SCRN3: variants seen among roughly 807,000 people sequenced by gnomAD.
The protein encoded by SCRN3 is secernin-3.
SCRN3 carries 39 observed loss-of-function variants against 43.1 expected under a neutral mutation model. That is an observed-to-expected ratio of 0.91 (90% CI 0.70 to 1.18). The LOEUF (loss-of-function observed/expected upper bound fraction) is 1.18, where lower values mean the gene tolerates loss of function less well. Ranked by LOEUF, SCRN3 falls within the 50% of genes most tolerant of loss-of-function variation. The probability of loss-of-function intolerance (pLI) is 0.00; values close to 1 mark genes in which losing one functional copy is unlikely to be tolerated. For missense variants in SCRN3, 484 were observed against 498.0 expected, an observed-to-expected ratio of 0.97 and a Z score of 0.27; for synonymous variants, 147 against 163.1, an observed-to-expected ratio of 0.90 and a Z score of 0.75.
At position 174,399,959 on chromosome 2, in the gene SCRN3, A is replaced by G; in HGVS notation, c.197A>G (p.Tyr66Cys). 6.4e-7 allele frequency: 1 copy of G among 1,552,986 alleles called. No individual in the cohort carries two copies. The highest frequency in any genetic ancestry group is 1.5e-5 in the African/African-American group (1 of 68,562). The change falls in exon 3 of 8, where the codon TAT becomes TGT. Residue 66 changes from tyrosine (Y) to cysteine (C), a missense_variant. Tyr to Cys is a radical substitution (Grantham distance 194, BLOSUM62 -2). Transcript: ENST00000272732. Reference protein sequence around the residue: ...YIEIDQVPETYAVVLSRPAWL... With the variant: ...YIEIDQVPETCAVVLSRPAWL... The stretch of plus-strand genomic sequence containing the variant: ...GAAATTGATCAAGTTCCTGAAACAT[A>G]TGCTGTTGTCCTGAGTCGCCCAGCG...
At chr2:174,410,923 G>T (rs35360976) in intron 5 of SCRN3, among the ~76,000 whole-genome samples, 29,642 of 152,210 alleles carry the variant, frequency 0.19, 3,382 homozygotes, top group Middle Eastern at 0.37. Flanking sequence ...CTCTGTGTCA[G>T]TTGGGGGATT....
Position 174,398,310 on chromosome 2 carries a change from C to T in SCRN3, c.27C>T (p.Phe9=), listed in dbSNP as rs760694859. 3 of 1,579,980 alleles carry T rather than the reference C, an allele frequency of 1.9e-6. No homozygotes were observed. The highest frequency in any genetic ancestry group is 1.2e-5 in the South Asian group (1 of 83,424). The change falls in exon 2 of 8, where the codon TTC becomes TTT. Residue 9 remains phenylalanine, a synonymous_variant. Transcript: ENST00000272732. The part of the protein sequence containing the change: MEPFSCDT[F]VALPPATVDN... ...TGGAACCTTTTTCCTGTGACACTTT[C>T]GTGGCATTACCTCCAGCAACAGTCG...
intron 5 of SCRN3, among the ~76,000 whole-genome samples, chr2:174,412,499 AT>A (rs67941361): frequency 0.19 from 29,613 of 152,154 alleles, 3,372 homozygotes; most frequent in Middle Eastern, 0.37. Context: ...ATTCTCTCCC[AT>A]CTAGAGGAAT....
intron 5 of SCRN3, among the ~76,000 whole-genome samples, chr2:174,413,550 G>A (rs374141531): frequency 6.7e-6 from 1 of 149,978 alleles, no homozygotes; most frequent in East Asian, 2.0e-4. Context: ...CTCTTTTATG[G>A]GATTGCCCCC....
Position 174,400,049 on chromosome 2 carries a change from G to A in SCRN3, c.287G>A (p.Trp96Ter). The part of the protein sequence containing the change: ...HGVCIGNEAV[W>*]GREEVCDEEA... ...GTTTGCATTGGGAATGAAGCTGTAT[G>A]GGGAAGAGAAGAAGTTTGTGATGAA... Residue 96 changes from tryptophan to a stop codon, truncating the protein, a stop_gained, in exon 3 of 8, where the codon TGG becomes TAG. Coordinates refer to ENST00000272732, the MANE Select transcript of SCRN3 (RefSeq NM_024583.5). LOFTEE classifies it high-confidence loss of function. 1 of 1,597,886 alleles carries A rather than the reference G, an allele frequency of 6.3e-7. No homozygotes were observed. Among genetic ancestry groups the A allele is most frequent in the Non-Finnish European group, 8.5e-7 (1 of 1,174,206 alleles).
intron 2 of SCRN3, 49 bp from the exon 3 acceptor site, chr2:174,399,873 T>C: frequency 3.1e-6 from 4 of 1,287,760 alleles, no homozygotes; most frequent in South Asian, 4.9e-5. Flanking sequence ...TTGATAACTT[T>C]TCTGGTTTTG....
intron 5 of SCRN3, among the ~76,000 whole-genome samples, chr2:174,418,533 C>T (rs1686191866): frequency 6.6e-6 from 1 of 152,232 alleles, no homozygotes; most frequent in Non-Finnish European, 1.5e-5. Context: ...ACTGCAGTCT[C>T]AGTACTTACT....
chr2:174,409,384 C>T (rs1574655054), intron 5 of SCRN3, among the ~76,000 whole-genome samples: 1 of 147,906 alleles, frequency 6.8e-6, no homozygotes, highest in East Asian at 2.0e-4. Context: ...AAGTTTTTAA[C>T]TTCTTTGCCT....
chr2:174,426,787 CAA>C lies in SCRN3; in HGVS notation c.1093-923_1093-922del, dbSNP rs1491110759. Among the ~76,000 whole-genome samples, 6 of 151,772 alleles carry C rather than the reference CAA, an allele frequency of 4.0e-5. No individual in the cohort carries two copies. The East Asian group carries it at 7.8e-4, about 20-fold the overall frequency. ...ACTCCATCTCCAAAACAAAACAAAA[CAA>C]AACAAAAACAAAAACAAATTATGCT... On this transcript the variant is annotated intron_variant, in intron 7 of 7. Coordinates refer to ENST00000272732, the MANE Select transcript of SCRN3 (RefSeq NM_024583.5).
At chr2:174,415,386 A>T (rs565552258) in intron 5 of SCRN3, among the ~76,000 whole-genome samples, 12 of 152,250 alleles carry the variant, frequency 7.9e-5, no homozygotes, top group African/African-American at 2.4e-4. Flanking sequence ...GTGAAATTAG[A>T]TATATTCTTA....
chr2:174,411,129 A>G (rs1316093917), intron 5 of SCRN3, among the ~76,000 whole-genome samples: 1 of 152,114 alleles, frequency 6.6e-6, no homozygotes, highest in East Asian at 1.9e-4. Context: ...GTGGATCAAT[A>G]CAGTTTCTTG....
At position 174,403,972 on chromosome 2, in the gene SCRN3, A is replaced by G. The variant is rs6741540; in HGVS notation, c.542-131A>G. 4.5e-3 allele frequency: 2,781 copies of G among 619,106 alleles called. 79 individuals carry two copies. The African/African-American group carries it at 0.046, about 10-fold the overall frequency. 38.4% of individuals were successfully genotyped at this position (619,106 alleles called of 1,614,324 possible). On this transcript the variant is annotated intron_variant, in intron 4 of 7. Transcript: ENST00000272732. ...ATTTATCTTTTTGAATATGTAATAGATGCCCATGGCACAAAATTTAGAAGT... is the reference window on the plus strand; with the variant it reads ...ATTTATCTTTTTGAATATGTAATAGGTGCCCATGGCACAAAATTTAGAAGT...
Position 174,423,022 on chromosome 2 carries a change from T to C in SCRN3, c.892T>C (p.Phe298Leu), listed in dbSNP as rs1257357285. The C allele has an allele frequency of 6.2e-7, 1 of 1,613,322 alleles. No individual in the cohort carries two copies. The highest frequency in any genetic ancestry group is 1.1e-5 in the South Asian group (1 of 90,978). The change falls in exon 6 of 8, where the codon TTT (phenylalanine) becomes CTT (leucine). Residue 298 changes from phenylalanine to leucine, a missense_variant. Coordinates refer to ENST00000272732, the MANE Select transcript of SCRN3 (RefSeq NM_024583.5). ...CTCCAGCCTTCCTTGCATTCACTTC[T>C]TTACAGGGACTCCTGATCCTGAGAG... ...QDSSLPCIHF[F>L]TGTPDPERSV...
intron 5 of SCRN3, among the ~76,000 whole-genome samples, chr2:174,422,026 G>A (rs1006126531): frequency 6.6e-6 from 1 of 151,858 alleles, no homozygotes; most frequent in Non-Finnish European, 1.5e-5. Flanking sequence ...CAAGAATGGA[G>A]AAAAAGAGAC....
intron 5 of SCRN3, among the ~76,000 whole-genome samples, chr2:174,415,937 G>C (rs1253348948): frequency 6.6e-6 from 1 of 152,170 alleles, no homozygotes; most frequent in Non-Finnish European, 1.5e-5. Context: ...GAGCCATTGT[G>C]CCTGGCTGGT....
At chr2:174,408,792 T>C (rs1471421854) in intron 5 of SCRN3, among the ~76,000 whole-genome samples, 1 of 135,472 alleles carries the variant, frequency 7.4e-6, no homozygotes, top group Non-Finnish European at 1.6e-5. Context: ...TGGCCCCCAC[T>C]CTCTTCTGGC....
intron 3 of SCRN3, 49 bp from the exon 4 acceptor site, chr2:174,400,941 A>C (rs757234248): frequency 7.1e-7 from 1 of 1,405,416 alleles, no homozygotes; most frequent in Non-Finnish European, 9.6e-7. Context: ...TATTTAAAAA[A>C]AATAATGGAA....
intron 5 of SCRN3, among the ~76,000 whole-genome samples, chr2:174,414,953 G>A (rs752580729): frequency 5.9e-5 from 9 of 151,698 alleles, no homozygotes; most frequent in Non-Finnish European, 7.4e-5. Context: ...TTGTAGAGAT[G>A]GGTTTCACCG....
At chr2:174,404,346 G>A in intron 5 of SCRN3, 31 bp downstream of exon 5, 2 of 1,468,056 alleles carry the variant, frequency 1.4e-6, no homozygotes, top group Non-Finnish European at 1.9e-6. Flanking sequence ...ATATTAGGAT[G>A]ACAAACTACA....
Sources: gnomAD v4.1 joint callset for allele counts (sites outside exome capture counted in the v4.1 genomes callset) on GRCh38, gnomAD v4.1.1 for gene constraint, MANE v1.5 for transcripts, NCBI Gene and HGNC (gene_info 2026-07-23, HGNC 2026-07-21) for gene names.